Variants in CLSTN1 observed in about 807,000 individuals in gnomAD.
The protein encoded by CLSTN1 is calsyntenin-1.
CLSTN1 carries 28 observed loss-of-function variants against 108.3 expected under a neutral mutation model. That is an observed-to-expected ratio of 0.26 (90% CI 0.19 to 0.35). CLSTN1 has a LOEUF of 0.35. Ranked by LOEUF, CLSTN1 falls within the 10% of genes least tolerant of loss-of-function variation. The probability of loss-of-function intolerance (pLI) is 1.00; values close to 1 mark genes in which losing one functional copy is unlikely to be tolerated. For synonymous variants in CLSTN1, 524 were observed against 534.9 expected (o/e 0.98, Z 0.28); for missense variants, 1,157 against 1,302.6 (o/e 0.89, Z 1.72).
At chr1:9,766,724 C>T (rs1319576693) in intron 2 of CLSTN1, among the ~76,000 whole-genome samples, 5 of 152,184 alleles carry the variant, frequency 3.3e-5, no homozygotes, top group Non-Finnish European at 7.3e-5. Context: ...CTCAGGCTTT[C>T]AGCAGATTAA....
At chr1:9,756,903 C>G (rs375588151) in intron 2 of CLSTN1, among the ~76,000 whole-genome samples, 4 of 151,984 alleles carry the variant, frequency 2.6e-5, no homozygotes, top group South Asian at 2.1e-4. Flanking sequence ...CTCAGCCTCC[C>G]GAGTAGCTGG....
rs370176070 is a variant in CLSTN1, at chr1:9,797,352, A to G, written c.92-23958T>C. Among the ~76,000 whole-genome samples the G allele has an allele frequency of 8.4e-4, 128 of 152,240 alleles. 2 individuals carry two copies. The South Asian group carries it at 0.015, about 18-fold the overall frequency. On this transcript the variant is annotated intron_variant, in intron 1 of 18. Coordinates refer to ENST00000377298, the MANE Select transcript of CLSTN1 (RefSeq NM_001009566.3). ...GGAGAGGGTAGAAAGAAAATCAATC[A>G]GGCTGGCCATGGTGGCTCATGCCTG...
intron 9 of CLSTN1, among the ~76,000 whole-genome samples, chr1:9,742,510 T>C (rs1651035033): frequency 6.6e-6 from 1 of 152,210 alleles, no homozygotes; most frequent in South Asian, 2.1e-4. Context: ...AAACAGTATA[T>C]ACTTAGAAGA....
At chr1:9,759,668 G>A (rs1458236116) in intron 2 of CLSTN1, among the ~76,000 whole-genome samples, 1 of 152,174 alleles carries the variant, frequency 6.6e-6, no homozygotes, top group Non-Finnish European at 1.5e-5. Flanking sequence ...ACACTGCAAG[G>A]GCAGAGGTTG....
rs115947106 is a variant in CLSTN1 at position 9,780,863 on chromosome 1, T to C, written c.92-7469A>G. 3.2e-3 allele frequency: 847 copies of C among 268,508 alleles called. 3 individuals are homozygous for C. Among genetic ancestry groups the C allele is most frequent in the African/African-American group, 0.016 (723 of 44,930 alleles). The allele number at this position is 268,508 out of a possible 1,614,324, so 16.6% of individuals were successfully genotyped here. On this transcript the variant is annotated intron_variant, in intron 1 of 18. Coordinates refer to ENST00000377298, the MANE Select transcript of CLSTN1 (RefSeq NM_001009566.3). ...TGGCCTCAGCCATGGCGAGTAGCCG[T>C]GGCAGCGAATCCAAATGCGGTGCGG...
intron 2 of CLSTN1, among the ~76,000 whole-genome samples, chr1:9,765,484 C>G (rs982821892): frequency 2.6e-5 from 4 of 151,650 alleles, no homozygotes; most frequent in African/African-American, 9.7e-5. Context: ...GAGTTTGAGA[C>G]CAGCCTGGCC....
upstream of CLSTN1, chr1:9,823,994 G>A (rs1481382190): frequency 3.3e-5 from 5 of 152,686 alleles, no homozygotes; most frequent in Admixed American, 3.3e-4. This position sits in a 1 kb window ranked among gnomAD's most constrained non-coding sequence, Gnocchi z 6.3. Flanking sequence ...CGGGTCCGGC[G>A]AGGGTACCCG....
At chr1:9,746,933 A>T (rs1489612774) in intron 7 of CLSTN1, among the ~76,000 whole-genome samples, 1 of 151,842 alleles carries the variant, frequency 6.6e-6, no homozygotes, top group Non-Finnish European at 1.5e-5. Context: ...TAATCCCAGC[A>T]CTTTGGGAGG....
chr1:9,819,090 G>A (rs907592157), intron 1 of CLSTN1, among the ~76,000 whole-genome samples: 4 of 151,836 alleles, frequency 2.6e-5, no homozygotes, highest in East Asian at 1.9e-4. Context: ...CACCGCACCC[G>A]GCCCCTTCAA....
chr1:9,812,858 A>G (rs1036307663), intron 1 of CLSTN1, among the ~76,000 whole-genome samples: 2 of 151,516 alleles, frequency 1.3e-5, no homozygotes, highest in African/African-American at 4.8e-5. Context: ...CAAAAAAAAA[A>G]AAAAAAACAA....
At chr1:9,822,543 TA>T (rs977148394) in intron 1 of CLSTN1, among the ~76,000 whole-genome samples, 20 of 151,482 alleles carry the variant, frequency 1.3e-4, no homozygotes, top group Non-Finnish European at 2.5e-4. Context: ...TTCTTTTGAT[TA>T]AAAAAAAATC....
chr1:9,803,250 C>G (rs992253547), intron 1 of CLSTN1, among the ~76,000 whole-genome samples: 1 of 152,112 alleles, frequency 6.6e-6, no homozygotes, highest in Non-Finnish European at 1.5e-5. Context: ...GATTAGATAA[C>G]CTCTCAAGGG....
chr1:9,801,776 G>C (rs987634694), intron 1 of CLSTN1, among the ~76,000 whole-genome samples: 1 of 152,038 alleles, frequency 6.6e-6, no homozygotes, highest in East Asian at 1.9e-4. Context: ...GGCTGATCTC[G>C]AACTCCGGAG....
Position 9,733,549 on chromosome 1 carries a change from G to A in CLSTN1, c.2282-3C>T, listed in dbSNP as rs1260774368. The A allele has an allele frequency of 3.1e-6, 5 of 1,613,724 alleles. No homozygotes were observed. The South Asian group carries it at 3.3e-5, about 11-fold the overall frequency. ...GTAGCTGGCCATGGTGTCCACGCCT[G>A]CAGGGGTTGAAAGGGGGAAGATTGC... On this transcript the variant is annotated splice_region_variant and splice_polypyrimidine_tract_variant and intron_variant, in intron 15 of 18. Coordinates refer to ENST00000377298, the MANE Select transcript of CLSTN1 (RefSeq NM_001009566.3).
intron 1 of CLSTN1, among the ~76,000 whole-genome samples, chr1:9,776,788 CTCTA>C (rs137950862): frequency 0.012 from 1,850 of 151,838 alleles, 38 homozygotes; most frequent in African/African-American, 0.04. Context: ...ACCCACCTAT[CTCTA>C]TCTATCTATC....
Position 9,734,820 on chromosome 1 carries a change from C to T in CLSTN1, c.2110+128G>A, listed in dbSNP as rs951556871. 4.0e-6 allele frequency: 3 copies of T among 751,908 alleles called. No individual in the cohort carries two copies. Among genetic ancestry groups the T allele is most frequent in the Admixed American group, 5.1e-5 (2 of 39,180 alleles). 46.6% of individuals were successfully genotyped at this position (751,908 alleles called of 1,614,324 possible). A position where few individuals can be genotyped will look rare whatever the true frequency, so the allele number is the denominator to read the frequency against. On this transcript the variant is annotated intron_variant, in intron 14 of 18. Coordinates refer to ENST00000377298, the MANE Select transcript of CLSTN1 (RefSeq NM_001009566.3). This position sits in a 1 kb window ranked among gnomAD's most constrained non-coding sequence, Gnocchi z 4.8. Reference sequence around the variant, plus strand: ...ACGGGTCAGATTCCAGAAGCACACCCGAGAGAACACCAACGAAAGATTAAA... The same window carrying T: ...ACGGGTCAGATTCCAGAAGCACACCTGAGAGAACACCAACGAAAGATTAAA...
chr1:9,759,135 G>A (rs1651950299), intron 2 of CLSTN1, among the ~76,000 whole-genome samples: 1 of 152,150 alleles, frequency 6.6e-6, no homozygotes, highest in Non-Finnish European at 1.5e-5. Flanking sequence ...GAGTTGCTTT[G>A]AATTAGGGGT....
At chr1:9,737,430 ACG>A (rs1258899856) in intron 11 of CLSTN1, 66 bp downstream of exon 11, 2 of 1,433,110 alleles carry the variant, frequency 1.4e-6, no homozygotes, top group African/African-American at 2.8e-5. Flanking sequence ...TTCATGCGAC[ACG>A]TGGAATGAAT....
intron 1 of CLSTN1, among the ~76,000 whole-genome samples, chr1:9,794,437 T>C (rs893227545): frequency 6.6e-6 from 1 of 151,480 alleles, no homozygotes; most frequent in Non-Finnish European, 1.5e-5. Flanking sequence ...ACCTCCCAAG[T>C]AGCTGAGATC....
Sources: allele counts gnomAD v4.1 joint callset (sites outside exome capture counted in the v4.1 genomes callset), GRCh38; gene constraint gnomAD v4.1.1; non-coding constraint Gnocchi (gnomAD v3.1); transcripts MANE v1.5; gene names NCBI Gene and HGNC (gene_info 2026-07-23, HGNC 2026-07-21).